KLHL32: variants seen among roughly 807,000 people sequenced by gnomAD.
The protein encoded by KLHL32 is kelch-like protein 32.
A neutral mutation model predicts 64.8 loss-of-function variants in KLHL32; 35 were observed. That is an observed-to-expected ratio of 0.54 (90% CI 0.41 to 0.72). The LOEUF (loss-of-function observed/expected upper bound fraction) is 0.72, where lower values mean the gene tolerates loss of function less well. KLHL32 is among the 30% of genes least tolerant of loss of function. KLHL32 has a pLI of 0.00. For synonymous variants in KLHL32, 259 were observed against 281.0 expected (o/e 0.92, Z 0.78); for missense variants, 589 against 768.5 (o/e 0.77, Z 2.76).
At chr6:96,909,523 A>C in the KLHL32 span, among the ~76,000 whole-genome samples, 34,561 of 152,102 alleles carry the variant, frequency 0.23, 4,608 homozygotes, top group East Asian at 0.37. Flanking sequence ...GTTACTCTTC[A>C]GCAAAGGCAG....
intron 3 of KLHL32, among the ~76,000 whole-genome samples, chr6:97,014,892 T>G (rs1463648558): frequency 6.6e-6 from 1 of 152,134 alleles, no homozygotes; most frequent in East Asian, 1.9e-4. Flanking sequence ...CACCCAAATC[T>G]CATCTCGAAT....
In KLHL32 at chr6:96,982,676, CTGTT is replaced by C. The variant is rs574532576; in HGVS notation, c.204+6503_204+6506del. Among the ~76,000 whole-genome samples the C allele has an allele frequency of 6.2e-3, 943 of 152,254 alleles. 6 individuals are homozygous for C. The highest frequency in any genetic ancestry group is 0.01 in the Middle Eastern group (3 of 294). On this transcript the variant is annotated intron_variant, in intron 3 of 10. Transcript: ENST00000369261. Reference sequence around the variant, plus strand: ...GGGAGTTCACTCATGATTTGGTTCTCTGTTTGTCTGTTACTGGTGCATAAGAATG... The same window carrying C: ...GGGAGTTCACTCATGATTTGGTTCTCTGTCTGTTACTGGTGCATAAGAATG...
chr6:97,059,282 G>A lies in KLHL32; in HGVS notation c.313-5346G>A, dbSNP rs144688152. On this transcript the variant is annotated intron_variant, in intron 4 of 10. Coordinates refer to ENST00000369261, the MANE Select transcript of KLHL32 (RefSeq NM_052904.4). ...ATGGAGAACAAGGTATTGCCTGAGT[G>A]TGGAGACTAGTAGATTACTGGCTTT... Among the ~76,000 whole-genome samples, 37 of 152,348 alleles carry A rather than the reference G, an allele frequency of 2.4e-4. No homozygotes were observed. In the East Asian group the frequency reaches 6.9e-3, roughly 29 times the overall value.
At chr6:97,082,624 A>C (rs1792743656) in intron 5 of KLHL32, among the ~76,000 whole-genome samples, 1 of 151,508 alleles carries the variant, frequency 6.6e-6, no homozygotes, top group East Asian at 1.9e-4. Context: ...AAAAAAAAAA[A>C]ATAAATAAAT....
At position 97,094,594 on chromosome 6, in the gene KLHL32, C is replaced by T. The variant is rs146854070; in HGVS notation, c.627+9253C>T. The stretch of plus-strand genomic sequence containing the variant: ...TCCTCTGACCACCTCCTCCTTGTTA[C>T]GTGCGGTGGCATGTTGATGAACTGC... On this transcript the variant is annotated intron_variant, in intron 6 of 10. Transcript: ENST00000369261. Among the ~76,000 whole-genome samples the T allele has an allele frequency of 2.2e-4, 33 of 152,256 alleles. No homozygotes were observed. In the East Asian group the frequency reaches 5.6e-3, roughly 26 times the overall value.
intron 4 of KLHL32, among the ~76,000 whole-genome samples, chr6:97,054,031 A>G (rs1207577638): frequency 2.0e-5 from 3 of 152,078 alleles, no homozygotes; most frequent in Admixed American, 1.3e-4. Context: ...TGCTGGAAGT[A>G]TTCAGTATTT....
intron 3 of KLHL32, among the ~76,000 whole-genome samples, chr6:97,016,819 G>A (rs1275951613): frequency 4.6e-5 from 7 of 152,226 alleles, no homozygotes; most frequent in Admixed American, 2.6e-4. Context: ...TGGATCCTGC[G>A]GTTGGTTTAC....
intron 5 of KLHL32, among the ~76,000 whole-genome samples, chr6:97,065,184 A>C (rs1789542104): frequency 6.6e-6 from 1 of 152,240 alleles, no homozygotes; most frequent in Non-Finnish European, 1.5e-5. Flanking sequence ...CTTCCCAGGC[A>C]GTAAATGCCG....
At chr6:97,079,288 T>A (rs143257709) in intron 5 of KLHL32, among the ~76,000 whole-genome samples, 83 of 152,210 alleles carry the variant, frequency 5.5e-4, no homozygotes, top group African/African-American at 1.9e-3. Flanking sequence ...CCAGGGGACA[T>A]CACCGAGGCC....
intron 3 of KLHL32, among the ~76,000 whole-genome samples, chr6:96,988,209 T>C (rs539657219): frequency 0.019 from 2,832 of 152,168 alleles, 87 homozygotes; most frequent in African/African-American, 0.063. Flanking sequence ...ACTCATCTGA[T>C]AAAGGGCTAA....
At chr6:96,939,485 A>G (rs946625303) in intron 1 of KLHL32, among the ~76,000 whole-genome samples, 6 of 152,292 alleles carry the variant, frequency 3.9e-5, no homozygotes, top group African/African-American at 1.4e-4. Flanking sequence ...TGGCATTGTT[A>G]AAAGTATAAA....
At chr6:97,069,215 G>C (rs1790309456) in intron 5 of KLHL32, among the ~76,000 whole-genome samples, 1 of 152,020 alleles carries the variant, frequency 6.6e-6, no homozygotes, top group Admixed American at 6.6e-5. Context: ...AGGGAGAAAG[G>C]GTCCTGCCCT....
chr6:96,966,337 G>A (rs1318879964), intron 1 of KLHL32, among the ~76,000 whole-genome samples: 3 of 152,260 alleles, frequency 2.0e-5, no homozygotes, highest in African/African-American at 4.8e-5. Flanking sequence ...ACAAAGACAC[G>A]GGATGGGGGC....
intron 3 of KLHL32, among the ~76,000 whole-genome samples, chr6:96,997,565 T>C (rs1379083165): frequency 6.6e-6 from 1 of 151,694 alleles, no homozygotes; most frequent in Non-Finnish European, 1.5e-5. Flanking sequence ...TTGGACAGCA[T>C]AGTGAGACCC....
intron 3 of KLHL32, among the ~76,000 whole-genome samples, chr6:97,032,993 T>G (rs1436373033): frequency 6.6e-6 from 1 of 152,022 alleles, no homozygotes; most frequent in Non-Finnish European, 1.5e-5. Flanking sequence ...AAACTGGTGC[T>G]TCTCCTAACA....
intron 6 of KLHL32, among the ~76,000 whole-genome samples, chr6:97,094,878 G>T (rs1033590858): frequency 2.0e-5 from 3 of 152,148 alleles, no homozygotes; most frequent in Non-Finnish European, 4.4e-5. Flanking sequence ...GATGAGGAAT[G>T]CCCACTACCT....
chr6:97,040,908 C>T (rs1394884846), intron 3 of KLHL32, among the ~76,000 whole-genome samples: 1 of 152,192 alleles, frequency 6.6e-6, no homozygotes, highest in Non-Finnish European at 1.5e-5. Flanking sequence ...TTCGCCTTCA[C>T]CTTCGCCTTC....
At chr6:96,984,021 G>C (rs1049238845) in intron 3 of KLHL32, among the ~76,000 whole-genome samples, 1 of 152,124 alleles carries the variant, frequency 6.6e-6, no homozygotes, top group South Asian at 2.1e-4. Context: ...GCATTTAGTG[G>C]TATAAATTTC....
chr6:97,053,632 CAT>C (rs1787310099), intron 4 of KLHL32, among the ~76,000 whole-genome samples: 1 of 151,934 alleles, frequency 6.6e-6, no homozygotes, highest in Non-Finnish European at 1.5e-5. Flanking sequence ...TTCAGATGCC[CAT>C]ATGTCTATGT....
Sources: allele counts gnomAD v4.1 joint callset (sites outside exome capture counted in the v4.1 genomes callset), GRCh38; gene constraint gnomAD v4.1.1; transcripts MANE v1.5; gene names NCBI Gene and HGNC (gene_info 2026-07-23, HGNC 2026-07-21).